COL21A1: variants seen among roughly 807,000 people sequenced by gnomAD.
COL21A1 encodes the protein collagen type XXI alpha 1 chain, also known as collagen alpha-1(XXI) chain.
In COL21A1, 149 loss-of-function variants were observed where a neutral mutation model predicts 137.9. That is an observed-to-expected ratio of 1.08 (90% CI 0.95 to 1.24). The LOEUF (loss-of-function observed/expected upper bound fraction) is 1.24. Ranked by LOEUF, COL21A1 falls within the 50% of genes most tolerant of loss-of-function variation. The probability of loss-of-function intolerance (pLI) is 0.00; values close to 1 mark genes in which losing one functional copy is unlikely to be tolerated. For synonymous variants in COL21A1, 456 were observed against 391.5 expected (o/e 1.16, Z -1.95); for missense variants, 1,167 against 1,158.4 (o/e 1.01, Z -0.11).
At chr6:56,367,839 C>T (rs1252213723) in intron 1 of COL21A1, among the ~76,000 whole-genome samples, 1 of 152,170 alleles carries the variant, frequency 6.6e-6, no homozygotes, top group South Asian at 2.1e-4. Context: ...CTCAGCCTCA[C>T]GGGTAGCTGG....
Position 56,347,243 on chromosome 6 carries a change from T to C in COL21A1, c.-39+46728A>G, listed in dbSNP as rs1765615759. On this transcript the variant is annotated intron_variant, in intron 1 of 28. Coordinates refer to the COL21A1 transcript ENST00000370819. Reference sequence around the variant, plus strand: ...TTCCCTCTGTGGCTTGGGAGTCTCCTGTGAAACACCTGAGAAGCCATGCCT... The same window carrying C: ...TTCCCTCTGTGGCTTGGGAGTCTCCCGTGAAACACCTGAGAAGCCATGCCT... 7.9e-5 allele frequency among the ~76,000 whole-genome samples: 12 copies of C among 152,238 alleles called. No individual in the cohort carries two copies. The South Asian group carries it at 2.5e-3, about 32-fold the overall frequency.
intron 17 of COL21A1, among the ~76,000 whole-genome samples, chr6:56,097,892 TAA>T (rs1438614288): frequency 1.1e-5 from 1 of 87,640 alleles, no homozygotes; most frequent in Non-Finnish European, 2.1e-5. Flanking sequence ...TAAATATATA[TAA>T]ATATATAAAT....
chr6:56,319,460 C>T (rs1303531507), intron 1 of COL21A1, among the ~76,000 whole-genome samples: 2 of 152,132 alleles, frequency 1.3e-5, no homozygotes, highest in Non-Finnish European at 2.9e-5. Context: ...GCCTCAGCTT[C>T]CCAAGTAGCT....
At chr6:56,334,845 A>G (rs112406262) in intron 1 of COL21A1, among the ~76,000 whole-genome samples, 22 of 152,284 alleles carry the variant, frequency 1.4e-4, no homozygotes, top group African/African-American at 5.3e-4. Flanking sequence ...CTGATTAAAG[A>G]ATGAGTTCAA....
chr6:56,127,741 T>G lies in COL21A1; in HGVS notation c.1543-1592A>C, dbSNP rs115770366. ...TCCTGAACATTTGTATGTAGCCTTT[T>G]GTTTCTTGTGTGTTTTTTGGAGCCT... On this transcript the variant is annotated intron_variant, in intron 12 of 29. Coordinates refer to ENST00000244728, the MANE Select transcript of COL21A1 (RefSeq NM_030820.4). Among the ~76,000 whole-genome samples the G allele has an allele frequency of 6.5e-3, 991 of 152,312 alleles. 13 individuals carry two copies. The highest frequency in any genetic ancestry group is 0.022 in the African/African-American group (896 of 41,556).
At chr6:56,139,395 T>C (rs1326259891) in intron 12 of COL21A1, among the ~76,000 whole-genome samples, 1 of 152,020 alleles carries the variant, frequency 6.6e-6, no homozygotes. Context: ...ATTTGGGAGG[T>C]AAGCAGTCTA....
chr6:56,350,353 G>A (rs916738250), intron 1 of COL21A1, among the ~76,000 whole-genome samples: 4 of 152,180 alleles, frequency 2.6e-5, no homozygotes, highest in Non-Finnish European at 4.4e-5. Context: ...TTAGGCACTT[G>A]TACTACATGG....
chr6:56,147,757 A>G lies in COL21A1; in HGVS notation c.1435-5774T>C, dbSNP rs12663289. Among the ~76,000 whole-genome samples, 4 of 152,158 alleles carry G rather than the reference A, an allele frequency of 2.6e-5. No homozygotes were observed. The East Asian group carries it at 7.7e-4, about 29-fold the overall frequency. Reference sequence around the variant, plus strand: ...GTGAGATAAACATGGAATAATCTACATACGACTTTCACAGAAGGAGAATGT... The same window carrying G: ...GTGAGATAAACATGGAATAATCTACGTACGACTTTCACAGAAGGAGAATGT... On this transcript the variant is annotated intron_variant, in intron 10 of 29. Transcript: ENST00000244728.
At position 56,305,556 on chromosome 6, in the gene COL21A1, C is replaced by G. The variant is rs1764424445; in HGVS notation, c.-39+88415G>C. 4.6e-5 allele frequency among the ~76,000 whole-genome samples: 7 copies of G among 151,904 alleles called. No homozygotes were observed. The South Asian group carries it at 1.3e-3, about 27-fold the overall frequency. On this transcript the variant is annotated intron_variant, in intron 1 of 28. Coordinates refer to the COL21A1 transcript ENST00000370819. ...TTTTATCAGAGACTAGGATTGCAAC[C>G]CCTGCCTTTTTTTGTTTTCCATTTG...
chr6:56,256,755 C>T (rs1273153829), intron 1 of COL21A1, among the ~76,000 whole-genome samples: 1 of 152,034 alleles, frequency 6.6e-6, no homozygotes, highest in Non-Finnish European at 1.5e-5. Context: ...TTCATGGTCA[C>T]TGCTATACTC....
intron 1 of COL21A1, among the ~76,000 whole-genome samples, chr6:56,390,895 T>C (rs904957826): frequency 2.0e-5 from 3 of 152,116 alleles, no homozygotes; most frequent in African/African-American, 7.2e-5. Flanking sequence ...CACCTACTTT[T>C]AGCATTGGAC....
chr6:56,170,913 C>T, intron 4 of COL21A1, 47 bp downstream of exon 4: 1 of 1,591,894 alleles, frequency 6.3e-7, no homozygotes, highest in Non-Finnish European at 8.6e-7. Flanking sequence ...TTGACATGTC[C>T]ACAGACATAT....
intron 13 of COL21A1, 24 bp from the exon 14 acceptor site, chr6:56,125,644 G>A: frequency 7.3e-7 from 1 of 1,376,476 alleles, no homozygotes; most frequent in South Asian, 1.5e-5. Context: ...TATAAATAGT[G>A]AATATTTAAG....
At chr6:56,321,688 A>T (rs1042877646) in intron 1 of COL21A1, among the ~76,000 whole-genome samples, 8 of 152,190 alleles carry the variant, frequency 5.3e-5, no homozygotes, top group Admixed American at 3.9e-4. Context: ...TGGTGGTTCA[A>T]GAAGTTTTGC....
intron 1 of COL21A1, among the ~76,000 whole-genome samples, chr6:56,362,668 A>G (rs1176342905): frequency 1.3e-5 from 2 of 151,870 alleles, no homozygotes; most frequent in African/African-American, 4.8e-5. Flanking sequence ...TACTTTCCAC[A>G]CGGGCACAAC....
chr6:56,112,680 C>CTTTTTTTTTTTTTT (rs777172358), intron 16 of COL21A1, among the ~76,000 whole-genome samples: 20 of 129,646 alleles, frequency 1.5e-4, no homozygotes, highest in East Asian at 2.3e-4. Flanking sequence ...TTTTTCTTTT[C>CTTTTTTTTTTTTTT]TTTTTTCTTT....
At chr6:56,229,015 T>G (rs575697491) in intron 1 of COL21A1, among the ~76,000 whole-genome samples, 4 of 152,150 alleles carry the variant, frequency 2.6e-5, no homozygotes, top group South Asian at 4.1e-4. Flanking sequence ...CAAAAATTGT[T>G]ACTTCCAGAT....
intron 1 of COL21A1, among the ~76,000 whole-genome samples, chr6:56,294,637 T>C (rs1764123422): frequency 6.6e-6 from 1 of 152,146 alleles, no homozygotes; most frequent in Non-Finnish European, 1.5e-5. Flanking sequence ...ACACATTCTA[T>C]GGGCTTTGAC....
At chr6:56,161,842 T>A (rs554398077) in intron 9 of COL21A1, among the ~76,000 whole-genome samples, 66 of 152,012 alleles carry the variant, frequency 4.3e-4, no homozygotes, top group African/African-American at 1.5e-3. Flanking sequence ...TAAAGAACTT[T>A]AAAAAAAATA....
Sources: gnomAD v4.1 joint callset for allele counts (sites outside exome capture counted in the v4.1 genomes callset) on GRCh38, gnomAD v4.1.1 for gene constraint, MANE v1.5 for transcripts, NCBI Gene and HGNC (gene_info 2026-07-23, HGNC 2026-07-21) for gene names.